SPOP: variants seen among roughly 807,000 people sequenced by gnomAD.
The protein encoded by SPOP is speckle-type POZ protein.
SPOP carries 11 observed loss-of-function variants against 45.6 expected under a neutral mutation model. The ratio of observed to expected loss-of-function variants is 0.24; its 90% CI spans 0.15 to 0.40. SPOP has a LOEUF of 0.40. SPOP is among the 10% of genes least tolerant of loss of function. The pLI, the probability that SPOP is intolerant of heterozygous loss-of-function variation, is 1.00. For synonymous variants in SPOP, 166 were observed against 166.3 expected, an observed-to-expected ratio of 1.00 and a Z score of 0.01; for missense variants, 152 against 465.6, an observed-to-expected ratio of 0.33 and a Z score of 6.20.
chr17:49,643,153 T>C (rs144771169), intron 1 of SPOP, among the ~76,000 whole-genome samples: 70 of 152,348 alleles, frequency 4.6e-4, no homozygotes, highest in Non-Finnish European at 6.8e-4. Flanking sequence ...ATGAGACAGG[T>C]GGCTGCCCAA....
rs1478144545 is a variant in SPOP, at chr17:49,661,679, GAA to G, written c.-67+16252_-67+16253del. On this transcript the variant is annotated intron_variant, in intron 1 of 9. Coordinates refer to ENST00000504102, the MANE Select transcript of SPOP (RefSeq NM_001007228.2). ...TCACTCAGCAGGTATTTGTTAAAAAGAAAAGTCAGTTAACACTATTCCCTTCC... is the reference window on the plus strand; with the variant it reads ...TCACTCAGCAGGTATTTGTTAAAAAGAAGTCAGTTAACACTATTCCCTTCC... Among the ~76,000 whole-genome samples the G allele has an allele frequency of 3.9e-5, 6 of 152,256 alleles. No individual in the cohort carries two copies. In the East Asian group the frequency reaches 1.2e-3, roughly 29 times the overall value.
rs2071695046 is a variant in SPOP, at chr17:49,599,237, A to G, written c.*1141T>C. On this transcript the variant is annotated 3_prime_UTR_variant, in exon 10 of 10. Coordinates refer to ENST00000504102, the MANE Select transcript of SPOP (RefSeq NM_001007228.2). ...CCCTTAAGCAAGGGACTCAGACCCA[A>G]GAGACAAGGCAGGTGAGTGAAACAA... 9.0e-6 allele frequency: 2 copies of G among 221,460 alleles called. No homozygotes were observed. The highest frequency in any genetic ancestry group is 1.8e-5 in the Non-Finnish European group (2 of 110,504). The allele number at this position is 221,460 out of a possible 1,614,324, so 13.7% of individuals were successfully genotyped here.
At chr17:49,621,921 TAC>T in intron 3 of SPOP, 23 bp downstream of exon 3, 1 of 1,608,526 alleles carries the variant, frequency 6.2e-7, no homozygotes, top group Non-Finnish European at 8.5e-7. Flanking sequence ...GAAAAATTTT[TAC>T]AGTTAGACGT....
chr17:49,610,384 A>G (rs1443793569), intron 6 of SPOP, among the ~76,000 whole-genome samples: 1 of 152,090 alleles, frequency 6.6e-6, no homozygotes, highest in African/African-American at 2.4e-5. Context: ...ATGCCCAGCT[A>G]ATTTTTGTAT....
chr17:49,650,453 G>A (rs1362249392), intron 1 of SPOP, among the ~76,000 whole-genome samples: 2 of 152,062 alleles, frequency 1.3e-5, no homozygotes, highest in South Asian at 2.1e-4. Flanking sequence ...GATGGTGCAC[G>A]CCTATAGTCC....
chr17:49,602,174 G>A, intron 8 of SPOP, 167 bp from the exon 9 acceptor site: 1 of 719,956 alleles, frequency 1.4e-6, no homozygotes, highest in South Asian at 2.9e-5. Flanking sequence ...CATTTCTGAA[G>A]GTTAGATGTT....
chr17:49,625,638 T>C (rs1170625285), intron 1 of SPOP, among the ~76,000 whole-genome samples: 4 of 151,906 alleles, frequency 2.6e-5, no homozygotes, highest in Non-Finnish European at 4.4e-5. Flanking sequence ...AAGAACTAGA[T>C]CTACAGCACC....
intron 1 of SPOP, among the ~76,000 whole-genome samples, chr17:49,649,203 T>C (rs1428722940): frequency 6.6e-6 from 1 of 152,200 alleles, no homozygotes; most frequent in Non-Finnish European, 1.5e-5. Flanking sequence ...GAAGCGGTGG[T>C]GTCCCATTAT....
At chr17:49,633,547 C>T (rs547888357) in intron 1 of SPOP, among the ~76,000 whole-genome samples, 1 of 152,210 alleles carries the variant, frequency 6.6e-6, no homozygotes, top group Admixed American at 6.5e-5. Context: ...ATCAAAAAAG[C>T]AGAAAATGTA....
chr17:49,661,478 C>A (rs1033066635), intron 1 of SPOP, among the ~76,000 whole-genome samples: 1 of 152,156 alleles, frequency 6.6e-6, no homozygotes, highest in Non-Finnish European at 1.5e-5. Flanking sequence ...CTTCAAAATA[C>A]CCACCCTTCA....
At chr17:49,637,434 T>A (rs1036328680) in intron 1 of SPOP, among the ~76,000 whole-genome samples, 2 of 152,032 alleles carry the variant, frequency 1.3e-5, no homozygotes. Flanking sequence ...CACTGCAACC[T>A]CCACCTCCCA....
chr17:49,640,252 C>CA lies in SPOP; in HGVS notation c.-66-17377dup, dbSNP rs750556855. Among the ~76,000 whole-genome samples, 241 of 122,558 alleles carry CA rather than the reference C, an allele frequency of 2.0e-3. 1 individual carries two copies. The highest frequency in any genetic ancestry group is 6.5e-3 in the Admixed American group (79 of 12,184). 80.4% of individuals were successfully genotyped at this position (122,558 alleles called of 152,430 possible). On this transcript the variant is annotated intron_variant, in intron 1 of 9. Transcript: ENST00000504102. ...TGGATGACAGAGTGAGACCCCGTCT[C>CA]AAAAAAAAAAAAAGTTCAAAGCATA...
At chr17:49,629,846 A>G (rs1239796999) in intron 1 of SPOP, among the ~76,000 whole-genome samples, 9 of 152,236 alleles carry the variant, frequency 5.9e-5, no homozygotes, top group Admixed American at 5.9e-4. Flanking sequence ...ATATCTATGA[A>G]TTAGCCTTAC....
rs1484969675 is a variant in SPOP at position 49,611,452 on chromosome 17, A to G, written c.486T>C (p.Ser162=). 6.2e-7 allele frequency: 1 copy of G among 1,613,700 alleles called. No homozygotes were observed. The highest frequency in any genetic ancestry group is 1.7e-5 in the Admixed American group (1 of 59,902). ...AAATGTTGACAGAATCTTGCACAACACTCACCTGTGAAAGACAAGGAAACA... is the reference window on the plus strand; with the variant it reads ...AAATGTTGACAGAATCTTGCACAACGCTCACCTGTGAAAGACAAGGAAACA... ...DDKLTLFCEV[S]VVQDSVNISG... is the part of the protein sequence containing the mutation. The change falls in exon 6 of 10, where the codon AGT becomes AGC. Residue 162 remains serine, a synonymous_variant. Transcript: ENST00000504102.
chr17:49,660,427 T>A (rs2072971925), intron 1 of SPOP, among the ~76,000 whole-genome samples: 1 of 152,220 alleles, frequency 6.6e-6, no homozygotes, highest in Non-Finnish European at 1.5e-5. Flanking sequence ...ATTCTCTATC[T>A]ATCCCTTTTT....
At chr17:49,626,293 TTTTA>T (rs2072329701) in intron 1 of SPOP, among the ~76,000 whole-genome samples, 1 of 152,204 alleles carries the variant, frequency 6.6e-6, no homozygotes, top group African/African-American at 2.4e-5. Flanking sequence ...TCTATAATAG[TTTTA>T]TTTTCTTAAT....
chr17:49,634,463 A>G (rs1310170477), intron 1 of SPOP, among the ~76,000 whole-genome samples: 2 of 152,262 alleles, frequency 1.3e-5, no homozygotes, highest in Non-Finnish European at 2.9e-5. Flanking sequence ...CATTTATTAC[A>G]TAAGTTAATA....
chr17:49,612,144 A>G (rs117763675), intron 5 of SPOP, among the ~76,000 whole-genome samples: 1,624 of 152,332 alleles, frequency 0.011, 15 homozygotes, highest in Middle Eastern at 0.02. Context: ...TTGGCCTCCC[A>G]AAGTGCTAAG....
chr17:49,665,604 ACT>A (rs1286885884), intron 1 of SPOP, among the ~76,000 whole-genome samples: 1 of 148,684 alleles, frequency 6.7e-6, no homozygotes, highest in Non-Finnish European at 1.5e-5. Context: ...ACAGAACAAG[ACT>A]CTGTCTCACA....
Sources: allele counts gnomAD v4.1 joint callset (sites outside exome capture counted in the v4.1 genomes callset), GRCh38; gene constraint gnomAD v4.1.1; transcripts MANE v1.5; gene names NCBI Gene and HGNC (gene_info 2026-07-23, HGNC 2026-07-21).